The following NAV2 variants were observed in gnomAD, a reference collection of about 807,000 sequenced individuals.
The protein encoded by NAV2 is helicase, APC down-regulated 1.
A neutral mutation model predicts 223.2 loss-of-function variants in NAV2; 54 were observed. The observed-to-expected ratio is 0.24, with a 90% CI of 0.19 to 0.30. NAV2 has a LOEUF of 0.30. Among genes scored for constraint, NAV2 ranks in the 10% least tolerant of loss-of-function variants. The pLI is 1.00. For synonymous variants in NAV2, 1,279 were observed against 1,239.3 expected (o/e 1.03, Z -0.67); for missense variants, 2,806 against 3,147.5 (o/e 0.89, Z 2.60).
In NAV2 at chr11:19,880,137, C is replaced by T; in HGVS notation, c.770+10C>T. On this transcript the variant is annotated intron_variant, in intron 5 of 37. Transcript: ENST00000349880. Reference sequence around the variant, plus strand: ...CTGAAATGCAGTCCAGGTGGGGGCTCCTTGCCAACTGATGGTTCTGTTTTT... The same window carrying T: ...CTGAAATGCAGTCCAGGTGGGGGCTTCTTGCCAACTGATGGTTCTGTTTTT... 1.3e-6 allele frequency: 2 copies of T among 1,560,448 alleles called. No homozygotes were observed. The highest frequency in any genetic ancestry group is 1.2e-5 in the South Asian group (1 of 82,324).
intron 11 of NAV2, among the ~76,000 whole-genome samples, chr11:19,985,558 T>TGG (rs1420954144): frequency 6.7e-5 from 10 of 149,368 alleles, no homozygotes; most frequent in South Asian, 4.2e-4. Context: ...AAGTTTTTTT[T>TGG]GTTTTTTTGT....
intron 1 of NAV2, among the ~76,000 whole-genome samples, chr11:19,614,073 G>A (rs910268154): frequency 6.6e-6 from 1 of 152,128 alleles, no homozygotes; most frequent in Non-Finnish European, 1.5e-5. Flanking sequence ...AGAACTGCAG[G>A]GTGCTGTACA....
chr11:19,545,188 A>T (rs1386679005), intron 1 of NAV2, among the ~76,000 whole-genome samples: 1 of 152,200 alleles, frequency 6.6e-6, no homozygotes, highest in East Asian at 1.9e-4. Context: ...TTGGGCGCTC[A>T]CAGGAGGGTC....
rs116907720 is a variant in NAV2, at chr11:19,478,701, C to A, written c.75+127674C>A. Among the ~76,000 whole-genome samples the A allele has an allele frequency of 1.7e-3, 256 of 152,332 alleles. 7 individuals are homozygous for A. In the East Asian group the frequency reaches 0.045, roughly 27 times the overall value. On this transcript the variant is annotated intron_variant, in intron 1 of 37. Coordinates refer to the NAV2 transcript ENST00000360655. Reference sequence around the variant, plus strand: ...GCCTTCATCTTGCCTGCTATGCTAACCCCTATGCTGTGCATGTGTGCACGC... The same window carrying A: ...GCCTTCATCTTGCCTGCTATGCTAAACCCTATGCTGTGCATGTGTGCACGC...
At chr11:19,543,003 A>C (rs1309406067) in intron 1 of NAV2, among the ~76,000 whole-genome samples, 2 of 152,226 alleles carry the variant, frequency 1.3e-5, no homozygotes, top group Admixed American at 6.5e-5. Context: ...GCATGGGTCC[A>C]ATCACCTAAG....
At chr11:19,654,592 T>C (rs2048064957) in intron 1 of NAV2, among the ~76,000 whole-genome samples, 1 of 152,058 alleles carries the variant, frequency 6.6e-6, no homozygotes, top group African/African-American at 2.4e-5. Context: ...ATGCCACATA[T>C]CTACAACTAT....
chr11:19,452,819 C>T (rs752917088), intron 1 of NAV2, among the ~76,000 whole-genome samples: 5 of 152,098 alleles, frequency 3.3e-5, no homozygotes, highest in African/African-American at 7.2e-5. Context: ...TGCTTTTGTA[C>T]GATCATATAA....
chr11:19,605,790 T>A (rs891654604), intron 1 of NAV2, among the ~76,000 whole-genome samples: 1 of 152,178 alleles, frequency 6.6e-6, no homozygotes, highest in African/African-American at 2.4e-5. Context: ...TTTCTTTTCA[T>A]CAGATTTGGG....
chr11:19,358,396 T>C (rs777519531), intron 1 of NAV2, among the ~76,000 whole-genome samples: 21 of 152,032 alleles, frequency 1.4e-4, no homozygotes, highest in Non-Finnish European at 8.8e-5. Context: ...TGGAGGTCAT[T>C]TGGGGAATGA....
At chr11:20,078,620 G>A (rs553574983) in intron 24 of NAV2, among the ~76,000 whole-genome samples, 2 of 152,228 alleles carry the variant, frequency 1.3e-5, no homozygotes, top group Admixed American at 1.3e-4. Flanking sequence ...CAGCATGCCT[G>A]GCTAATTTAT....
intron 1 of NAV2, among the ~76,000 whole-genome samples, chr11:19,825,243 G>C (rs1284050980): frequency 1.8e-5 from 2 of 113,230 alleles, no homozygotes; most frequent in Non-Finnish European, 3.3e-5. Flanking sequence ...AGTGAGCCAA[G>C]ATCACACCCC....
chr11:20,054,780 G>C (rs1274549832), intron 18 of NAV2, among the ~76,000 whole-genome samples: 1 of 152,184 alleles, frequency 6.6e-6, no homozygotes, highest in Non-Finnish European at 1.5e-5. Context: ...TGGCACAGTG[G>C]GGAAAGGAAA....
At chr11:20,013,212 A>AT (rs34489009) in intron 11 of NAV2, among the ~76,000 whole-genome samples, 149,204 of 152,320 alleles carry the variant, frequency 0.98, 73,164 homozygotes, top group East Asian at 1. Flanking sequence ...ATACTGGGAT[A>AT]TGTGAGTTTT....
exon 1 of NAV2, chr11:19,350,928 A>G: frequency 6.4e-7 from 1 of 1,550,510 alleles, no homozygotes; most frequent in Non-Finnish European, 8.7e-7. Flanking sequence ...TCGCTGAAGG[A>G]GAGAGAGGAT....
At chr11:19,527,503 C>CAAGT (rs1159119134) in intron 1 of NAV2, among the ~76,000 whole-genome samples, 1 of 152,064 alleles carries the variant, frequency 6.6e-6, no homozygotes, top group East Asian at 1.9e-4. Context: ...TTAACTTTCC[C>CAAGT]AAGTCTGTAT....
intron 12 of NAV2, among the ~76,000 whole-genome samples, chr11:20,038,736 C>T (rs1343495802): frequency 2.0e-5 from 3 of 152,146 alleles, no homozygotes; most frequent in African/African-American, 4.8e-5. Flanking sequence ...CCAGGCAAGG[C>T]GTGGGGAGGC....
chr11:20,055,729 A>G lies in NAV2; in HGVS notation c.4643-40A>G, dbSNP rs776030240. 5 of 1,576,644 alleles carry G rather than the reference A, an allele frequency of 3.2e-6. No individual in the cohort carries two copies. The East Asian group carries it at 9.0e-5, about 28-fold the overall frequency. Reference sequence around the variant, plus strand: ...CCCCAACCAGGATTTGAACAGAGACATGAATGTCTAACCTTTTGATTCTAT... The same window carrying G: ...CCCCAACCAGGATTTGAACAGAGACGTGAATGTCTAACCTTTTGATTCTAT... On this transcript the variant is annotated intron_variant, in intron 18 of 37. Transcript: ENST00000349880.
intron 1 of NAV2, among the ~76,000 whole-genome samples, chr11:19,719,852 A>G (rs544171392): frequency 1.3e-5 from 2 of 152,378 alleles, no homozygotes; most frequent in East Asian, 3.9e-4. Context: ...TCTTTATAAC[A>G]GTAACCAAGC....
chr11:19,691,583 T>A (rs183620531), intron 1 of NAV2, among the ~76,000 whole-genome samples: 1 of 151,914 alleles, frequency 6.6e-6, no homozygotes, highest in Non-Finnish European at 1.5e-5. Context: ...TTATTTATTT[T>A]TGGAGACGGA....
Sources: allele counts gnomAD v4.1 joint callset (sites outside exome capture counted in the v4.1 genomes callset), GRCh38; gene constraint gnomAD v4.1.1; transcripts MANE v1.5; gene names NCBI Gene and HGNC (gene_info 2026-07-23, HGNC 2026-07-21).